LRMDA: variants seen among roughly 807,000 people sequenced by gnomAD.
LRMDA encodes the protein leucine rich melanocyte differentiation associated.
LRMDA carries 18 observed loss-of-function variants against 29.8 expected under a neutral mutation model. That is an observed-to-expected ratio of 0.60 (90% CI 0.42 to 0.90). The LOEUF (loss-of-function observed/expected upper bound fraction) is 0.90, where lower values mean the gene tolerates loss of function less well. Among genes scored for constraint, LRMDA ranks in the 40% least tolerant of loss-of-function variants. LRMDA has a pLI of 0.00. For synonymous variants in LRMDA, 125 were observed against 109.4 expected (o/e 1.14, Z -0.89); for missense variants, 273 against 273.9 (o/e 1.00, Z 0.02).
At chr10:75,943,828 T>G in intron 2 of LRMDA, among the ~76,000 whole-genome samples, 1 of 152,200 alleles carries the variant, frequency 6.6e-6, no homozygotes, top group East Asian at 1.9e-4. Flanking sequence ...CAACAATTAT[T>G]TATTGAGGAC....
At chr10:76,132,139 C>T (rs76913186) in intron 5 of LRMDA, among the ~76,000 whole-genome samples, 3,814 of 152,144 alleles carry the variant, frequency 0.025, 141 homozygotes, top group African/African-American at 0.085. Flanking sequence ...ACATAAAAAC[C>T]TCTGGGGTAG....
rs185887922 is a variant in LRMDA, at chr10:76,359,403, A to G, written c.601+34918A>G. On this transcript the variant is annotated intron_variant, in intron 6 of 6. Coordinates refer to ENST00000611255, the MANE Select transcript of LRMDA (RefSeq NM_001305581.2). ...TCATTAACTTCTAGGGAATGATAAG[A>G]CTGGTTACATTAGTGCTGATGACAT... is the stretch of plus-strand genomic sequence containing the variant. Among the ~76,000 whole-genome samples, 41 of 152,248 alleles carry G rather than the reference A, an allele frequency of 2.7e-4. No individual in the cohort carries two copies. The East Asian group carries it at 4.1e-3, about 15-fold the overall frequency.
intron 2 of LRMDA, among the ~76,000 whole-genome samples, chr10:75,798,924 TTATTA>T (rs1255750321): frequency 2.0e-5 from 3 of 152,184 alleles, no homozygotes; most frequent in Non-Finnish European, 4.4e-5. Flanking sequence ...ATTTAGATAT[TTATTA>T]GGACTTATTT....
At chr10:76,322,896 A>C (rs1288081820) in intron 5 of LRMDA, among the ~76,000 whole-genome samples, 1 of 152,134 alleles carries the variant, frequency 6.6e-6, no homozygotes, top group Non-Finnish European at 1.5e-5. Flanking sequence ...CACTATCCTC[A>C]TGTTTCATTC....
intron 2 of LRMDA, among the ~76,000 whole-genome samples, chr10:75,668,443 T>A (rs966391481): frequency 6.6e-6 from 1 of 152,168 alleles, no homozygotes; most frequent in African/African-American, 2.4e-5. Flanking sequence ...CAAGTGCCCA[T>A]GTCTGCCATT....
chr10:76,031,825 T>A (rs778081876), intron 2 of LRMDA, among the ~76,000 whole-genome samples: 1 of 152,196 alleles, frequency 6.6e-6, no homozygotes, highest in Non-Finnish European at 1.5e-5. Flanking sequence ...ATCCCAGCCT[T>A]TGCTCCTGGA....
chr10:76,471,247 T>C (rs993233861), intron 6 of LRMDA, among the ~76,000 whole-genome samples: 5 of 151,714 alleles, frequency 3.3e-5, no homozygotes, highest in African/African-American at 1.2e-4. Flanking sequence ...AATAATAAAA[T>C]GTATTGGTAG....
At chr10:76,122,321 C>T (rs571097473) in intron 5 of LRMDA, among the ~76,000 whole-genome samples, 25 of 152,014 alleles carry the variant, frequency 1.6e-4, no homozygotes, top group South Asian at 2.1e-4. Context: ...TGTCCAGTCT[C>T]GGTGCCAGCA....
Position 76,091,982 on chromosome 10 carries a change from C to T in LRMDA, c.516+33199C>T, listed in dbSNP as rs546336780. 6.6e-5 allele frequency among the ~76,000 whole-genome samples: 10 copies of T among 152,290 alleles called. No individual in the cohort carries two copies. The South Asian group carries it at 2.1e-3, about 32-fold the overall frequency. Reference sequence around the variant, plus strand: ...GATTACAGATGTGAGCCACCAGTATCCCCCTTTCACTGGCTTTTGACACTT... The same window carrying T: ...GATTACAGATGTGAGCCACCAGTATTCCCCTTTCACTGGCTTTTGACACTT... On this transcript the variant is annotated intron_variant, in intron 5 of 6. Transcript: ENST00000611255.
chr10:76,437,855 G>A (rs984264153), intron 6 of LRMDA, among the ~76,000 whole-genome samples: 8 of 152,214 alleles, frequency 5.3e-5, no homozygotes, highest in South Asian at 2.1e-4. Flanking sequence ...CTCTGAGCCA[G>A]TCCTTCGCCA....
At chr10:75,972,499 C>T (rs1846993218) in intron 2 of LRMDA, among the ~76,000 whole-genome samples, 2 of 152,116 alleles carry the variant, frequency 1.3e-5, no homozygotes, top group African/African-American at 4.8e-5. Context: ...ATACAAAAAA[C>T]CTCTCTCTGC....
rs186109696 is a variant in LRMDA at position 75,924,496 on chromosome 10, C to T, written c.132-111512C>T. Among the ~76,000 whole-genome samples the T allele has an allele frequency of 8.5e-5, 13 of 152,146 alleles. No homozygotes were observed. In the South Asian group the frequency reaches 1.2e-3, roughly 15 times the overall value. On this transcript the variant is annotated intron_variant, in intron 2 of 6. Coordinates refer to ENST00000611255, the MANE Select transcript of LRMDA (RefSeq NM_001305581.2). ...TTGCATTGGTTGGAAAGTCGGGATG[C>T]GTGCTGAGGGGGAGAGAACAGGATA...
chr10:76,145,205 A>C (rs1416353221), intron 5 of LRMDA, among the ~76,000 whole-genome samples: 3 of 152,220 alleles, frequency 2.0e-5, no homozygotes, highest in Non-Finnish European at 4.4e-5. Flanking sequence ...CTGGCCTCAT[A>C]AAATGAGTTA....
chr10:75,898,314 C>T (rs1464560759), intron 2 of LRMDA, among the ~76,000 whole-genome samples: 1 of 151,980 alleles, frequency 6.6e-6, no homozygotes, highest in Non-Finnish European at 1.5e-5. Flanking sequence ...ATTGAAGGAC[C>T]TGGTAAGGGA....
intron 2 of LRMDA, among the ~76,000 whole-genome samples, chr10:75,934,161 G>A (rs1423260874): frequency 6.6e-6 from 1 of 152,218 alleles, no homozygotes; most frequent in African/African-American, 2.4e-5. Context: ...CCTAAGGAAA[G>A]TGAAATATGA....
intron 5 of LRMDA, among the ~76,000 whole-genome samples, chr10:76,234,288 A>G (rs190872500): frequency 3.0e-4 from 46 of 152,338 alleles, no homozygotes; most frequent in Admixed American, 6.5e-4. Flanking sequence ...GTAGGTCTCA[A>G]TAGTGGGCTT....
intron 2 of LRMDA, among the ~76,000 whole-genome samples, chr10:75,452,231 C>T (rs543257044): frequency 3.3e-5 from 5 of 152,244 alleles, no homozygotes; most frequent in South Asian, 2.1e-4. Flanking sequence ...CCTGAGGCTG[C>T]GTGGAAAGTT....
At chr10:75,658,787 C>A (rs1841711606) in intron 2 of LRMDA, among the ~76,000 whole-genome samples, 1 of 152,030 alleles carries the variant, frequency 6.6e-6, no homozygotes. Context: ...ATAGAATTTT[C>A]ACTGGGGGAA....
chr10:76,216,565 G>T (rs1394279030), intron 5 of LRMDA, among the ~76,000 whole-genome samples: 1 of 151,950 alleles, frequency 6.6e-6, no homozygotes, highest in African/African-American at 2.4e-5. Flanking sequence ...TTTGTGAAGA[G>T]ATATTCCCAA....
Sources: allele counts gnomAD v4.1 joint callset (sites outside exome capture counted in the v4.1 genomes callset), GRCh38; gene constraint gnomAD v4.1.1; transcripts MANE v1.5; gene names NCBI Gene and HGNC (gene_info 2026-07-23, HGNC 2026-07-21).